The following RPF2 variants were observed in gnomAD, a reference collection of about 807,000 sequenced individuals.
RPF2 encodes the protein brix domain containing 1.
A neutral mutation model predicts 38.9 loss-of-function variants in RPF2; 21 were observed. That is an observed-to-expected ratio of 0.54 (90% CI 0.38 to 0.78). The LOEUF (loss-of-function observed/expected upper bound fraction) is 0.78. Ranked by LOEUF, RPF2 falls within the 30% of genes least tolerant of loss-of-function variation. The pLI is 0.00. For synonymous variants in RPF2, 121 were observed against 126.2 expected (o/e 0.96, Z 0.28); for missense variants, 314 against 358.1 (o/e 0.88, Z 0.99).
In RPF2 at chr6:111,008,149, A is replaced by AGCT; in HGVS notation, c.493+13_493+14insCTG. 6.3e-7 allele frequency: 1 copy of AGCT among 1,588,210 alleles called. No individual in the cohort carries two copies. Among genetic ancestry groups the AGCT allele is most frequent in the African/African-American group, 1.4e-5 (1 of 73,776 alleles). ...AAGTCTTCTTATTGGTAAGTATTTT[A>AGCT]GTATTTATTATCTTCAGGGTAGCTC... is the stretch of plus-strand genomic sequence containing the variant. On this transcript the variant is annotated intron_variant, in intron 7 of 9. Coordinates refer to ENST00000441448, the MANE Select transcript of RPF2 (RefSeq NM_032194.3).
chr6:111,008,366 G>A (rs1402599239), intron 7 of RPF2, among the ~76,000 whole-genome samples: 2 of 151,616 alleles, frequency 1.3e-5, no homozygotes, highest in African/African-American at 4.8e-5. Flanking sequence ...ATGCGCTGCC[G>A]AAGCGAGCAC....
chr6:110,999,310 A>G (rs180998136), intron 5 of RPF2, among the ~76,000 whole-genome samples: 14 of 152,262 alleles, frequency 9.2e-5, no homozygotes, highest in African/African-American at 3.4e-4. Flanking sequence ...ATATGTACTA[A>G]ATCAATATTA....
In RPF2 at chr6:110,984,935, A is replaced by G. The variant is rs879305880; in HGVS notation, c.24-71A>G. On this transcript the variant is annotated intron_variant, in intron 1 of 9. Coordinates refer to ENST00000441448, the MANE Select transcript of RPF2 (RefSeq NM_032194.3). ...CAAATATGTTTTTAAGAATTTTCAT[A>G]TTAGTTAAGTCATGGCTTTGCAATG... is the stretch of plus-strand genomic sequence containing the variant. The G allele has an allele frequency of 5.0e-6, 7 of 1,411,438 alleles. 1 individual carries two copies. The East Asian group carries it at 1.7e-4, about 34-fold the overall frequency. The allele number at this position is 1,411,438 out of a possible 1,614,324, so 87.4% of individuals were successfully genotyped here. A position where few individuals can be genotyped will look rare whatever the true frequency, so the allele number is the denominator to read the frequency against.
At position 111,014,141 on chromosome 6, in the gene RPF2, GT is replaced by G. The variant is rs112613781; in HGVS notation, c.494-1600del. ...TAATGCTGTGTTTTTTGTTTTTTGGGTTTTTTTTTTTTTGAGACTGAGTCTC... is the reference window on the plus strand; with the variant it reads ...TAATGCTGTGTTTTTTGTTTTTTGGGTTTTTTTTTTTTGAGACTGAGTCTC... On this transcript the variant is annotated intron_variant, in intron 7 of 9. Transcript: ENST00000441448. Among the ~76,000 whole-genome samples, 182 of 137,586 alleles carry G rather than the reference GT, an allele frequency of 1.3e-3. 1 individual carries two copies. Among genetic ancestry groups the G allele is most frequent in the South Asian group, 2.1e-3 (9 of 4,256 alleles). 90.3% of individuals were successfully genotyped at this position (137,586 alleles called of 152,430 possible).
At chr6:110,982,532 AT>A in intron 1 of RPF2, 8 of 217,114 alleles carry the variant, frequency 3.7e-5, no homozygotes, top group South Asian at 1.5e-4. Flanking sequence ...ATCTTAGCTT[AT>A]TCTGTAAAAT....
In RPF2 at chr6:111,007,549, A is replaced by T. The variant is rs568451587; in HGVS notation, c.394-489A>T. Among the ~76,000 whole-genome samples, 33 of 152,142 alleles carry T rather than the reference A, an allele frequency of 2.2e-4. No homozygotes were observed. The South Asian group carries it at 6.6e-3, about 31-fold the overall frequency. On this transcript the variant is annotated intron_variant, in intron 6 of 9. Transcript: ENST00000441448. Reference sequence around the variant, plus strand: ...CCCTGTCTCTTTAAAAAGAAAAAAAAACCCACCTCTGTTTTTGCCTCTAAT... The same window carrying T: ...CCCTGTCTCTTTAAAAAGAAAAAAATACCCACCTCTGTTTTTGCCTCTAAT...
intron 8 of RPF2, among the ~76,000 whole-genome samples, chr6:111,017,341 G>C (rs1279139077): frequency 6.6e-6 from 1 of 150,974 alleles, no homozygotes; most frequent in African/African-American, 2.4e-5. Flanking sequence ...GGGGCGGCTG[G>C]CCGGGCGGGG....
intron 3 of RPF2, 71 bp downstream of exon 3, chr6:110,989,136 G>C: frequency 7.3e-7 from 1 of 1,370,816 alleles, no homozygotes; most frequent in East Asian, 3.0e-5. Context: ...CTTTATGGAA[G>C]ATTTGGAAAA....
intron 6 of RPF2, among the ~76,000 whole-genome samples, chr6:111,007,721 G>A (rs369336170): frequency 6.6e-6 from 1 of 152,096 alleles, no homozygotes; most frequent in Non-Finnish European, 1.5e-5. Context: ...GAGGCAGGCG[G>A]ATCATTTGAG....
intron 8 of RPF2, among the ~76,000 whole-genome samples, chr6:111,023,353 T>G (rs993477950): frequency 1.3e-5 from 2 of 152,236 alleles, no homozygotes; most frequent in African/African-American, 4.8e-5. Context: ...TTAGTAAATG[T>G]CTGTGCTATG....
At position 111,025,523 on chromosome 6, in the gene RPF2, C is replaced by T. The variant is rs1312313238; in HGVS notation, c.862C>T (p.Pro288Ser). The change falls in exon 10 of 10, where the codon CCT (proline) becomes TCT (serine). Residue 288 changes from proline (P) to serine (S), a missense_variant. Pro to Ser is a moderately conservative substitution (Grantham distance 74). Transcript: ENST00000441448. ...TRKMKGLKKR[P>S]AERITEDHEK... is the part of the protein sequence containing the mutation. ...GAAAATGAAGGGGTTGAAGAAGCGACCTGCAGAAAGGATAACAGAAGACCA... is the reference window on the plus strand; with the variant it reads ...GAAAATGAAGGGGTTGAAGAAGCGATCTGCAGAAAGGATAACAGAAGACCA... 2.5e-6 allele frequency: 4 copies of T among 1,613,040 alleles called. No individual in the cohort carries two copies. In the African/African-American group the frequency reaches 5.4e-5, roughly 22 times the overall value.
At chr6:111,004,158 G>A (rs1771866116) in intron 6 of RPF2, among the ~76,000 whole-genome samples, 1 of 151,652 alleles carries the variant, frequency 6.6e-6, no homozygotes, top group Admixed American at 6.6e-5. Context: ...TCTTCATCAT[G>A]TGCATGTGAC....
intron 6 of RPF2, among the ~76,000 whole-genome samples, chr6:111,001,324 T>C (rs1238558588): frequency 2.0e-5 from 3 of 152,192 alleles, no homozygotes; most frequent in Non-Finnish European, 2.9e-5. Context: ...TTTTGTAAAG[T>C]ACATAAACTG....
rs1257478443 is a variant in RPF2 at position 111,026,262 on chromosome 6, C to G, written c.*680C>G. 1 of 152,332 alleles carries G rather than the reference C, an allele frequency of 6.6e-6. No homozygotes were observed. Among genetic ancestry groups the G allele is most frequent in the East Asian group, 1.9e-4 (1 of 5,200 alleles). The allele number at this position is 152,332 out of a possible 1,614,324, so 9.4% of individuals were successfully genotyped here. On this transcript the variant is annotated 3_prime_UTR_variant, in exon 10 of 10. Transcript: ENST00000441448. Reference sequence around the variant, plus strand: ...TTGTTCTGTCACCTAGGGTGGAGTGCAGTGGCACAATCACAGCTCACTGCA... The same window carrying G: ...TTGTTCTGTCACCTAGGGTGGAGTGGAGTGGCACAATCACAGCTCACTGCA...
At chr6:110,983,857 G>A (rs1328791756) in intron 1 of RPF2, among the ~76,000 whole-genome samples, 3 of 151,882 alleles carry the variant, frequency 2.0e-5, no homozygotes, top group African/African-American at 4.8e-5. Context: ...GTGAAACCTC[G>A]TCTGTACTAA....
chr6:111,002,253 C>A (rs1013478545), intron 6 of RPF2, among the ~76,000 whole-genome samples: 1 of 152,214 alleles, frequency 6.6e-6, no homozygotes, highest in Non-Finnish European at 1.5e-5. Flanking sequence ...GCACTCCAGC[C>A]TGGGTGACAC....
intron 7 of RPF2, among the ~76,000 whole-genome samples, chr6:111,014,111 C>G (rs1316792356): frequency 6.7e-6 from 1 of 148,502 alleles, no homozygotes; most frequent in African/African-American, 2.5e-5. Flanking sequence ...TTGTTTTATA[C>G]AAGTTAATGC....
At position 111,019,248 on chromosome 6, in the gene RPF2, G is replaced by A. The variant is rs9386991; in HGVS notation, c.596+3392G>A. On this transcript the variant is annotated intron_variant, in intron 8 of 9. Coordinates refer to ENST00000441448, the MANE Select transcript of RPF2 (RefSeq NM_032194.3). The stretch of plus-strand genomic sequence containing the variant: ...ACAAAAATTAGCTGGGTATGGTGGC[G>A]CACGCCTGTAATCCCAGCTACTTGG... 0.046 allele frequency among the ~76,000 whole-genome samples: 7,063 copies of A among 151,972 alleles called. 845 individuals carry two copies. The East Asian group carries it at 0.52, about 11-fold the overall frequency.
chr6:111,016,829 G>C (rs896852300), intron 8 of RPF2, among the ~76,000 whole-genome samples: 1 of 151,364 alleles, frequency 6.6e-6, no homozygotes, highest in Non-Finnish European at 1.5e-5. Flanking sequence ...AGGACCCTGC[G>C]GCCTTCCGCA....
Sources: allele counts gnomAD v4.1 joint callset (sites outside exome capture counted in the v4.1 genomes callset), GRCh38; gene constraint gnomAD v4.1.1; transcripts MANE v1.5; gene names NCBI Gene and HGNC (gene_info 2026-07-23, HGNC 2026-07-21).